The following GPR89B variants were observed in gnomAD, a reference collection of about 807,000 sequenced individuals.
GPR89B encodes golgi pH regulator B, also known as G protein-coupled receptor 89B.
GPR89B carries 25 observed loss-of-function variants against 52.4 expected under a neutral mutation model. The observed-to-expected ratio is 0.48, with a 90% CI of 0.35 to 0.67. GPR89B has a LOEUF of 0.67. Among genes scored for constraint, GPR89B ranks in the 30% least tolerant of loss-of-function variants. The pLI, the probability that GPR89B is intolerant of heterozygous loss-of-function variation, is 0.01. For synonymous variants in GPR89B, 52 were observed against 151.2 expected (o/e 0.34, Z 4.81); for missense variants, 146 against 450.2 (o/e 0.32, Z 6.11).
intron 10 of GPR89B, among the ~76,000 whole-genome samples, chr1:147,970,556 TCTCTCTCTCTCTCTA>T: frequency 7.0e-6 from 1 of 143,280 alleles, no homozygotes; most frequent in South Asian, 2.2e-4. Flanking sequence ...TCTCTCTCTA[TCTCTCTCTCTCTCTA>T]TATATATATA....
chr1:147,970,531 C>CTA (rs1657368525), intron 10 of GPR89B, among the ~76,000 whole-genome samples: 4 of 140,978 alleles, frequency 2.8e-5, no homozygotes, highest in Admixed American at 1.4e-4. Context: ...CTCTCTCTCT[C>CTA]TCTATCTCTA....
chr1:147,970,533 C>CTCTCTCTATATATA (rs1657371248), intron 10 of GPR89B, among the ~76,000 whole-genome samples: 1 of 127,726 alleles, frequency 7.8e-6, no homozygotes, highest in East Asian at 2.2e-4. Flanking sequence ...CTCTCTCTCT[C>CTCTCTCTATATATA]TATCTCTATC....
At chr1:147,968,734 G>A in intron 8 of GPR89B, 141 bp from the exon 9 acceptor site, 2 of 1,361,114 alleles carry the variant, frequency 1.5e-6, no homozygotes, top group Admixed American at 1.8e-5. Flanking sequence ...CTGAAGTAGT[G>A]TTGCTGGCTA....
At chr1:147,936,907 A>T in intron 2 of GPR89B, among the ~76,000 whole-genome samples, 1 of 152,132 alleles carries the variant, frequency 6.6e-6, no homozygotes, top group East Asian at 1.9e-4. Flanking sequence ...AGCAAGGATT[A>T]TGTCTTAGTC....
downstream of GPR89B, among the ~76,000 whole-genome samples, chr1:147,998,023 G>A (rs1258372589): frequency 5.9e-5 from 9 of 152,150 alleles, no homozygotes; most frequent in Non-Finnish European, 1.5e-5. Context: ...GTGAAGAAAT[G>A]ATGATCTTGA....
chr1:148,001,569 TAAAA>T, the GPR89B span: 3 of 875,844 alleles, frequency 3.4e-6, no homozygotes, highest in Admixed American at 4.2e-5. Context: ...CCTAAAAAAA[TAAAA>T]CAGATTTTCT....
At chr1:148,021,791 T>C in the GPR89B span, 1 of 149,020 alleles carries the variant, frequency 6.7e-6, no homozygotes, top group Non-Finnish European at 1.5e-5. Flanking sequence ...TACTTCTCTT[T>C]AAGCAGTGTG....
At chr1:147,987,666 A>T (rs1658765945) in intron 11 of GPR89B, among the ~76,000 whole-genome samples, 1 of 151,810 alleles carries the variant, frequency 6.6e-6, no homozygotes, top group Non-Finnish European at 1.5e-5. Context: ...TCTGTAATTC[A>T]TCTGTTTATG....
chr1:147,996,237 CAA>C (rs1448592049), downstream of GPR89B, among the ~76,000 whole-genome samples: 3,336 of 151,566 alleles, frequency 0.022, 59 homozygotes, highest in Non-Finnish European at 0.035. Context: ...CAGAAGCAAA[CAA>C]ATATGACTGC....
At chr1:147,984,580 T>C (rs1658529418) in intron 10 of GPR89B, among the ~76,000 whole-genome samples, 1 of 151,214 alleles carries the variant, frequency 6.6e-6, no homozygotes, top group Non-Finnish European at 1.5e-5. Flanking sequence ...TTATTTTGAG[T>C]CTCTTTTTCT....
At chr1:148,023,058 C>A in the GPR89B span, among the ~76,000 whole-genome samples, 1 of 151,680 alleles carries the variant, frequency 6.6e-6, no homozygotes, top group Non-Finnish European at 1.5e-5. Flanking sequence ...GCATAGTACC[C>A]AATAGCTAGT....
chr1:148,019,978 C>T, the GPR89B span, among the ~76,000 whole-genome samples: 6 of 151,788 alleles, frequency 4.0e-5, no homozygotes, highest in African/African-American at 1.5e-4. Context: ...TCAATTATCA[C>T]CCTGGTCTCC....
intron 1 of GPR89B, among the ~76,000 whole-genome samples, chr1:147,929,650 A>C (rs4489616): frequency 3.9e-5 from 6 of 152,186 alleles, no homozygotes; most frequent in East Asian, 1.9e-4. Context: ...TCTTTGATTC[A>C]GTTTTTGTAT....
At position 147,968,939 on chromosome 1, in the gene GPR89B, A is replaced by C; in HGVS notation, c.792A>C (p.Glu264Asp). Residue 264 changes from glutamate (E) to aspartate (D), a missense_variant, in exon 9 of 14, where the codon GAA (glutamate) becomes GAC (aspartate). Coordinates refer to ENST00000314163, the MANE Select transcript of GPR89B (RefSeq NM_016334.5). ...AATTAAGCAGGCAGCTTTTTCTGGA[A>C]ACAGCTGATCTATATGCTACCAAGG... ...LEELSRQLFL[E>D]TADLYATKER... 6.2e-7 allele frequency: 1 copy of C among 1,610,914 alleles called. No individual in the cohort carries two copies. The highest frequency in any genetic ancestry group is 1.7e-5 in the Admixed American group (1 of 59,816).
rs1419806990 is a variant in GPR89B, at chr1:147,964,437, T to C, written c.618-2117T>C. On this transcript the variant is annotated intron_variant, in intron 7 of 13. Coordinates refer to ENST00000314163, the MANE Select transcript of GPR89B (RefSeq NM_016334.5). Reference sequence around the variant, plus strand: ...ATTGGGCTAATAACAAATAGATAATTCCTTGTAAGCTACCCTTGTTATAAA... The same window carrying C: ...ATTGGGCTAATAACAAATAGATAATCCCTTGTAAGCTACCCTTGTTATAAA... 4.7e-4 allele frequency among the ~76,000 whole-genome samples: 71 copies of C among 151,126 alleles called. 2 individuals carry two copies. In the East Asian group the frequency reaches 0.014, roughly 30 times the overall value.
chr1:147,952,709 C>T (rs1369671864), intron 5 of GPR89B, among the ~76,000 whole-genome samples: 3 of 151,920 alleles, frequency 2.0e-5, no homozygotes, highest in Non-Finnish European at 4.4e-5. Context: ...CATCAACCAG[C>T]AGTATTTATT....
chr1:147,983,653 C>T (rs1658436684), intron 10 of GPR89B, among the ~76,000 whole-genome samples: 1 of 151,808 alleles, frequency 6.6e-6, no homozygotes. Flanking sequence ...GTTAGAATGG[C>T]AATCATTAAA....
At chr1:147,984,636 T>G (rs1349825628) in intron 10 of GPR89B, among the ~76,000 whole-genome samples, 1 of 151,128 alleles carries the variant, frequency 6.6e-6, no homozygotes, top group Non-Finnish European at 1.5e-5. Context: ...AGATCTTTGC[T>G]GATATAGGGG....
the GPR89B span, among the ~76,000 whole-genome samples, chr1:148,020,970 G>C: frequency 6.6e-5 from 10 of 151,724 alleles, no homozygotes; most frequent in African/African-American, 2.4e-4. Flanking sequence ...TTACAGGCGT[G>C]AGCCCGGGCC....
Sources: allele counts gnomAD v4.1 joint callset (sites outside exome capture counted in the v4.1 genomes callset), GRCh38; gene constraint gnomAD v4.1.1; transcripts MANE v1.5; gene names NCBI Gene and HGNC (gene_info 2026-07-23, HGNC 2026-07-21).